Variants in TMEM230 observed in about 807,000 individuals in gnomAD.
TMEM230 encodes UPF0414 transmembrane protein C20orf30.
TMEM230 carries 10 observed loss-of-function variants against 15.8 expected under a neutral mutation model. The ratio of observed to expected loss-of-function variants is 0.63; its 90% CI spans 0.39 to 1.07. TMEM230 has a LOEUF of 1.07. Among genes scored for constraint, TMEM230 ranks in the 50% least tolerant of loss-of-function variants. The probability of loss-of-function intolerance (pLI) is 0.01; values close to 1 mark genes in which losing one functional copy is unlikely to be tolerated. For missense variants in TMEM230, 165 were observed against 193.3 expected, an observed-to-expected ratio of 0.85 and a Z score of 0.87; for synonymous variants, 67 against 76.9, an observed-to-expected ratio of 0.87 and a Z score of 0.68.
chr20:5,095,795 A>G (rs373787411), downstream of TMEM230, among the ~76,000 whole-genome samples: 46 of 152,266 alleles, frequency 3.0e-4, 1 homozygote, highest in South Asian at 3.9e-3. Flanking sequence ...TCTGCATTTC[A>G]AATTTCCCAA....
At chr20:5,075,051 A>G (rs1013949681) in intron 3 of TMEM230, among the ~76,000 whole-genome samples, 1 of 151,588 alleles carries the variant, frequency 6.6e-6, no homozygotes, top group Non-Finnish European at 1.5e-5. Context: ...ATCAACCTGT[A>G]TAGTTAAAGT....
the TMEM230 span, among the ~76,000 whole-genome samples, chr20:5,062,155 GA>G: frequency 6.6e-6 from 1 of 151,696 alleles, no homozygotes; most frequent in Non-Finnish European, 1.5e-5. Flanking sequence ...CTAGGAGGCA[GA>G]GGTTACAGTG....
chr20:5,084,118 T>G (rs2089261662), intron 3 of TMEM230, among the ~76,000 whole-genome samples: 1 of 152,194 alleles, frequency 6.6e-6, no homozygotes, highest in African/African-American at 2.4e-5. Context: ...GGTATTTGGT[T>G]TTCTGTTCCT....
At chr20:5,059,821 G>A in the TMEM230 span, among the ~76,000 whole-genome samples, 7 of 143,320 alleles carry the variant, frequency 4.9e-5, no homozygotes, top group Admixed American at 3.0e-4. Flanking sequence ...TGTCGCCCAG[G>A]CTGGATGGAG....
downstream of TMEM230, among the ~76,000 whole-genome samples, chr20:5,097,072 T>C (rs2089684511): frequency 6.6e-6 from 1 of 152,166 alleles, no homozygotes. Context: ...ATGTGAACAT[T>C]TCCCTTTTTA....
At chr20:5,072,053 T>A (rs2088845201) in intron 3 of TMEM230, among the ~76,000 whole-genome samples, 1 of 151,484 alleles carries the variant, frequency 6.6e-6, no homozygotes, top group South Asian at 2.1e-4. Flanking sequence ...GCCCAGCCTT[T>A]TTTGAGTTTT....
intron 2 of TMEM230, among the ~76,000 whole-genome samples, chr20:5,109,746 T>C (rs1375428512): frequency 6.6e-6 from 1 of 152,180 alleles, no homozygotes; most frequent in African/African-American, 2.4e-5. Context: ...CCAGTTTATT[T>C]TGCCACCAAG....
At chr20:5,095,013 T>C (rs779153593), downstream of TMEM230, among the ~76,000 whole-genome samples, 2 of 152,178 alleles carry the variant, frequency 1.3e-5, no homozygotes, top group African/African-American at 2.4e-5. Flanking sequence ...CCTCCCAGGA[T>C]GTGCTGGTGA....
intron 3 of TMEM230, among the ~76,000 whole-genome samples, chr20:5,073,310 C>T (rs2088886484): frequency 1.3e-5 from 2 of 152,208 alleles, no homozygotes; most frequent in Admixed American, 1.3e-4. Flanking sequence ...GAAGGTGGGG[C>T]ACACAAAGAC....
At chr20:5,088,308 CAA>C (rs777211538) in intron 3 of TMEM230, among the ~76,000 whole-genome samples, 2,463 of 51,022 alleles carry the variant, frequency 0.048, 45 homozygotes, top group African/African-American at 0.15. Context: ...GACTCTGTCT[CAA>C]AAAAAAAAAA....
At chr20:5,063,223 C>T in the TMEM230 span, among the ~76,000 whole-genome samples, 3 of 149,338 alleles carry the variant, frequency 2.0e-5, no homozygotes, top group Admixed American at 6.7e-5. Flanking sequence ...CAGGGGAGGA[C>T]TGCATAATCC....
At chr20:5,102,419 G>A (rs1221650682) in intron 4 of TMEM230, among the ~76,000 whole-genome samples, 1 of 152,142 alleles carries the variant, frequency 6.6e-6, no homozygotes, top group Non-Finnish European at 1.5e-5. Context: ...GGCTGGGCAT[G>A]GTGGTTCACT....
chr20:5,069,125 A>G (rs2088742680), exon 4 of TMEM230: 1 of 1,325,520 alleles, frequency 7.5e-7, no homozygotes, highest in Admixed American at 2.5e-5. Flanking sequence ...TGACGTACTT[A>G]TTCCTAGGAC....
chr20:5,083,237 A>C (rs2089234632), intron 3 of TMEM230, among the ~76,000 whole-genome samples: 1 of 148,146 alleles, frequency 6.8e-6, no homozygotes. Context: ...CTAATTCTTC[A>C]TATACTTGAT....
chr20:5,102,359 G>A (rs142423727), intron 4 of TMEM230, among the ~76,000 whole-genome samples: 3,029 of 152,166 alleles, frequency 0.02, 96 homozygotes, highest in African/African-American at 0.069. Context: ...GAGAAGCCTG[G>A]GACTAGATGG....
At chr20:5,068,626 C>T (rs1406019310) in exon 4 of TMEM230, 1 of 152,458 alleles carries the variant, frequency 6.6e-6, no homozygotes, top group East Asian at 1.9e-4. Flanking sequence ...CACCTAGTAC[C>T]TCCTTTGATA....
At chr20:5,088,257 C>T (rs2089408950) in intron 3 of TMEM230, among the ~76,000 whole-genome samples, 2 of 145,654 alleles carry the variant, frequency 1.4e-5, no homozygotes, top group East Asian at 2.1e-4. Context: ...TGCAGTGAGC[C>T]GAGGTCGTGC....
At chr20:5,089,880 A>G (rs2089459147) in intron 3 of TMEM230, among the ~76,000 whole-genome samples, 1 of 147,804 alleles carries the variant, frequency 6.8e-6, no homozygotes, top group African/African-American at 2.5e-5. Flanking sequence ...TTAGCCAGGC[A>G]TGGTGGCACG....
intron 3 of TMEM230, among the ~76,000 whole-genome samples, chr20:5,094,150 C>T (rs1452098168): frequency 6.6e-6 from 1 of 150,910 alleles, no homozygotes; most frequent in Non-Finnish European, 1.5e-5. Context: ...GTTGAGACGG[C>T]GTTTCACCAT....
Sources: gnomAD v4.1 joint callset for allele counts (sites outside exome capture counted in the v4.1 genomes callset) on GRCh38, gnomAD v4.1.1 for gene constraint, MANE v1.5 for transcripts, NCBI Gene and HGNC (gene_info 2026-07-23, HGNC 2026-07-21) for gene names.